ZSCAN4: variants seen among roughly 807,000 people sequenced by gnomAD.
The protein encoded by ZSCAN4 is zinc finger and SCAN domain containing 4.
Under a neutral mutation model 18.3 loss-of-function variants are expected in ZSCAN4, and 18 were observed. That is an observed-to-expected ratio of 0.98 (90% confidence interval 0.68 to 1.46). The LOEUF is 1.46. Among genes scored for constraint, ZSCAN4 ranks in the 40% most tolerant of loss-of-function variants. The pLI, the probability that ZSCAN4 is intolerant of heterozygous loss-of-function variation, is 0.00. For missense variants in ZSCAN4, 498 were observed against 511.4 expected (o/e 0.97, Z 0.25); for synonymous variants, 193 against 180.3 (o/e 1.07, Z -0.57).
chr19:57,678,232 C>G (rs1419575293), exon 5 of ZSCAN4: 1 of 1,614,110 alleles, frequency 6.2e-7, no homozygotes, highest in Non-Finnish European at 8.5e-7. Flanking sequence ...GAAAATATTA[C>G]TAATCAAGGC....
chr19:57,658,214 G>C, the ZSCAN4 span, among the ~76,000 whole-genome samples: 93 of 152,250 alleles, frequency 6.1e-4, no homozygotes, highest in African/African-American at 2.1e-3. Flanking sequence ...CACAAGTGAA[G>C]GAACCAAACT....
chr19:57,677,121 C>G (rs114993940), intron 3 of ZSCAN4, among the ~76,000 whole-genome samples: 3,330 of 152,234 alleles, frequency 0.022, 134 homozygotes, highest in African/African-American at 0.076. Context: ...AATGTCTTGA[C>G]AAGAGCTTGT....
the ZSCAN4 span, among the ~76,000 whole-genome samples, chr19:57,654,226 C>G: frequency 6.6e-6 from 1 of 152,126 alleles, no homozygotes; most frequent in African/African-American, 2.4e-5. Flanking sequence ...CCCTCAATGT[C>G]CCACCCCTAT....
At chr19:57,678,618 C>A in exon 5 of ZSCAN4, 1 of 1,613,990 alleles carries the variant, frequency 6.2e-7, no homozygotes, top group South Asian at 1.1e-5. Context: ...GAATGAGAGG[C>A]CATTTGTTTG....
intron 2 of ZSCAN4, among the ~76,000 whole-genome samples, chr19:57,673,205 C>T (rs561478453): frequency 6.6e-6 from 1 of 152,234 alleles, no homozygotes; most frequent in East Asian, 1.9e-4. Context: ...TGCACCACCA[C>T]AGCCAGCTAA....
chr19:57,668,223 A>G (rs1371618927), upstream of ZSCAN4, among the ~76,000 whole-genome samples: 1 of 152,072 alleles, frequency 6.6e-6, no homozygotes, highest in African/African-American at 2.4e-5. Context: ...TTGTTGTAGC[A>G]GAGAAGTATC....
At chr19:57,675,442 C>T (rs1043888375) in intron 2 of ZSCAN4, among the ~76,000 whole-genome samples, 7 of 151,968 alleles carry the variant, frequency 4.6e-5, no homozygotes, top group Non-Finnish European at 8.8e-5. Context: ...GCAACCACAC[C>T]CGGCAAGTTT....
chr19:57,670,739 G>A (rs1983993489), intron 2 of ZSCAN4, among the ~76,000 whole-genome samples, 172 bp downstream of exon 2: 1 of 152,212 alleles, frequency 6.6e-6, no homozygotes, highest in Non-Finnish European at 1.5e-5. Flanking sequence ...CCCAGGTGTA[G>A]GGAATGGTCT....
chr19:57,670,952 C>T (rs1315195248), intron 2 of ZSCAN4, among the ~76,000 whole-genome samples: 3 of 151,968 alleles, frequency 2.0e-5, no homozygotes, highest in African/African-American at 7.3e-5. Context: ...CTTCAGCCTC[C>T]CCAGGCTCAA....
In ZSCAN4 at chr19:57,678,919, T is replaced by A. The variant is rs774481212; in HGVS notation, c.*14T>A. On this transcript the variant is annotated 3_prime_UTR_variant, in exon 5 of 5. Transcript: ENST00000318203. ...GAAGCTTCCTAAGCTGCTGGTCTGATAATGTGTATAAATATGTATGCAAGT... is the reference window on the plus strand; with the variant it reads ...GAAGCTTCCTAAGCTGCTGGTCTGAAAATGTGTATAAATATGTATGCAAGT... 1.9e-6 allele frequency: 3 copies of A among 1,565,820 alleles called. No individual in the cohort carries two copies. In the South Asian group the frequency reaches 3.6e-5, roughly 19 times the overall value.
the ZSCAN4 span, among the ~76,000 whole-genome samples, chr19:57,651,885 G>A: frequency 6.6e-6 from 1 of 152,104 alleles, no homozygotes; most frequent in Non-Finnish European, 1.5e-5. Flanking sequence ...ATTTCTGGGT[G>A]AGTTCCCCCT....
At chr19:57,679,002 G>A (rs1338361923) in exon 5 of ZSCAN4, 2 of 1,299,724 alleles carry the variant, frequency 1.5e-6, no homozygotes, top group East Asian at 2.6e-5. Flanking sequence ...TCCTGATTAT[G>A]CTTTCAATTT....
the ZSCAN4 span, among the ~76,000 whole-genome samples, chr19:57,661,821 C>T: frequency 2.0e-4 from 31 of 152,294 alleles, no homozygotes; most frequent in Non-Finnish European, 4.4e-4. Context: ...GTGGCTCACG[C>T]CTGTAACCCC....
the ZSCAN4 span, among the ~76,000 whole-genome samples, chr19:57,659,066 A>G: frequency 6.6e-6 from 1 of 152,168 alleles, no homozygotes; most frequent in Non-Finnish European, 1.5e-5. Flanking sequence ...AGAAATATAT[A>G]ATCTGTAAAG....
intron 3 of ZSCAN4, among the ~76,000 whole-genome samples, chr19:57,677,269 C>T (rs1403454277): frequency 2.0e-5 from 3 of 152,208 alleles, no homozygotes; most frequent in Non-Finnish European, 1.5e-5. Context: ...GCATCTTCTC[C>T]GTCATTTTCA....
the ZSCAN4 span, among the ~76,000 whole-genome samples, chr19:57,653,269 C>T: frequency 6.6e-6 from 1 of 151,934 alleles, no homozygotes; most frequent in Non-Finnish European, 1.5e-5. Context: ...CCTCTGTAAT[C>T]CCAGCCACTC....
exon 5 of ZSCAN4, chr19:57,678,820 G>A (rs1474196116): frequency 1.8e-5 from 29 of 1,613,888 alleles, no homozygotes; most frequent in South Asian, 2.2e-5. Flanking sequence ...ACAAGCTACC[G>A]CCAGTCATCC....
At chr19:57,675,963 T>G (rs550335607) in intron 2 of ZSCAN4, 78 bp from the exon 3 acceptor site, 24 of 584,812 alleles carry the variant, frequency 4.1e-5, no homozygotes, top group Non-Finnish European at 6.8e-5. Flanking sequence ...TAGAGCCATG[T>G]AGGCCTAACT....
At chr19:57,670,868 C>CTTTTT (rs10684021) in intron 2 of ZSCAN4, among the ~76,000 whole-genome samples, 1 of 146,600 alleles carries the variant, frequency 6.8e-6, no homozygotes. Flanking sequence ...TCTAGTAATT[C>CTTTTT]TTTTTTTTTT....
Sources: allele counts gnomAD v4.1 joint callset (sites outside exome capture counted in the v4.1 genomes callset), GRCh38; gene constraint gnomAD v4.1.1; transcripts MANE v1.5; gene names NCBI Gene and HGNC (gene_info 2026-07-23, HGNC 2026-07-21).